Variants in SYT16 observed in about 807,000 individuals in gnomAD.
SYT16 encodes the protein synaptotagmin-16.
A neutral mutation model predicts 61.4 loss-of-function variants in SYT16; 42 were observed. The ratio of observed to expected loss-of-function variants is 0.68; its 90% CI spans 0.53 to 0.89. SYT16 has a LOEUF of 0.89. Ranked by LOEUF, SYT16 falls within the 40% of genes least tolerant of loss-of-function variation. The pLI is 0.00. For synonymous variants in SYT16, 314 were observed against 302.3 expected (o/e 1.04, Z -0.40); for missense variants, 804 against 807.3 (o/e 1.00, Z 0.05).
chr14:62,018,298 C>CTT (rs776473522), intron 3 of SYT16, among the ~76,000 whole-genome samples: 671 of 51,654 alleles, frequency 0.013, 110 homozygotes, highest in South Asian at 0.017. Context: ...TCTTCTTCTT[C>CTT]TTTTTTTTTT....
intron 1 of SYT16, among the ~76,000 whole-genome samples, chr14:61,933,998 C>T (rs2049879116): frequency 6.6e-6 from 1 of 151,786 alleles, no homozygotes; most frequent in East Asian, 1.9e-4. Flanking sequence ...TGTATGTATA[C>T]AAGTACATAG....
chr14:62,039,110 C>T (rs755221545), intron 3 of SYT16, among the ~76,000 whole-genome samples: 11 of 152,270 alleles, frequency 7.2e-5, no homozygotes, highest in African/African-American at 1.4e-4. Context: ...ATCCTTTATG[C>T]TTCACTCCTC....
At chr14:61,983,455 A>G (rs2052170848) in intron 2 of SYT16, among the ~76,000 whole-genome samples, 1 of 152,152 alleles carries the variant, frequency 6.6e-6, no homozygotes, top group Non-Finnish European at 1.5e-5. Flanking sequence ...TTATTTTCTT[A>G]TAGTTTTTCT....
At chr14:61,919,135 C>T (rs1428530779) in intron 1 of SYT16, among the ~76,000 whole-genome samples, 1 of 152,060 alleles carries the variant, frequency 6.6e-6, no homozygotes, top group Non-Finnish European at 1.5e-5. Context: ...ACATGTGTTC[C>T]ATTATTAGAC....
intron 3 of SYT16, among the ~76,000 whole-genome samples, chr14:62,013,313 C>G (rs541901564): frequency 1.3e-5 from 2 of 152,140 alleles, no homozygotes; most frequent in Non-Finnish European, 2.9e-5. Flanking sequence ...TGATGGTTGT[C>G]CCAAAGGGGG....
chr14:62,064,075 G>T (rs1326928211), intron 3 of SYT16, among the ~76,000 whole-genome samples: 2 of 152,082 alleles, frequency 1.3e-5, no homozygotes, highest in African/African-American at 4.8e-5. Context: ...GGATGAAGAG[G>T]TAAAGATTTT....
At chr14:62,096,496 T>A (rs187202075) in intron 7 of SYT16, among the ~76,000 whole-genome samples, 44 of 152,178 alleles carry the variant, frequency 2.9e-4, no homozygotes, top group Admixed American at 2.9e-3. Flanking sequence ...TATTAATACA[T>A]TGGAACATTA....
intron 1 of SYT16, among the ~76,000 whole-genome samples, chr14:61,953,817 C>CT (rs1172124267): frequency 6.6e-6 from 1 of 152,186 alleles, no homozygotes; most frequent in Non-Finnish European, 1.5e-5. Context: ...TGTTCACTGC[C>CT]TTTCCTGGGA....
chr14:61,984,131 G>T (rs2052203912), intron 2 of SYT16, among the ~76,000 whole-genome samples: 1 of 152,056 alleles, frequency 6.6e-6, no homozygotes, highest in South Asian at 2.1e-4. Context: ...TTTTTTAAAG[G>T]TTTGCATTTG....
chr14:61,922,569 A>G (rs1479446060), intron 1 of SYT16, among the ~76,000 whole-genome samples: 1 of 152,216 alleles, frequency 6.6e-6, no homozygotes, highest in African/African-American at 2.4e-5. Context: ...ATCAGGAAAA[A>G]TAACTATTGG....
At chr14:61,876,756 G>A (rs2047510449) in intron 1 of SYT16, among the ~76,000 whole-genome samples, 1 of 152,174 alleles carries the variant, frequency 6.6e-6, no homozygotes, top group African/African-American at 2.4e-5. Flanking sequence ...ATCGGGGAAG[G>A]GGACAGCGCA....
At chr14:61,952,782 T>C (rs982108984) in intron 1 of SYT16, among the ~76,000 whole-genome samples, 1 of 152,228 alleles carries the variant, frequency 6.6e-6, no homozygotes, top group Non-Finnish European at 1.5e-5. Flanking sequence ...TTTTTTCCTA[T>C]TTTTTGAAAG....
intron 7 of SYT16, among the ~76,000 whole-genome samples, chr14:62,097,536 C>T (rs1323527288): frequency 6.6e-6 from 1 of 152,160 alleles, no homozygotes; most frequent in Non-Finnish European, 1.5e-5. Context: ...AGCAGAATTT[C>T]CTGGGCACAG....
At chr14:62,067,197 G>A (rs2056097458) in intron 3 of SYT16, among the ~76,000 whole-genome samples, 1 of 152,126 alleles carries the variant, frequency 6.6e-6, no homozygotes, top group South Asian at 2.1e-4. Context: ...TATTTAACAA[G>A]TATTTATGAA....
At chr14:61,947,696 A>G (rs2140467405) in intron 1 of SYT16, among the ~76,000 whole-genome samples, 1 of 152,366 alleles carries the variant, frequency 6.6e-6, no homozygotes, top group Admixed American at 6.5e-5. Context: ...ATGATGAATA[A>G]TAAGATGCCT....
intron 1 of SYT16, among the ~76,000 whole-genome samples, chr14:61,969,592 C>T (rs1441731465): frequency 6.6e-6 from 1 of 152,182 alleles, no homozygotes; most frequent in Non-Finnish European, 1.5e-5. Flanking sequence ...TTTCTTATTG[C>T]TGTTGATAAC....
intron 1 of SYT16, among the ~76,000 whole-genome samples, chr14:61,891,921 A>G (rs2048145893): frequency 6.6e-6 from 1 of 152,226 alleles, no homozygotes; most frequent in African/African-American, 2.4e-5. Context: ...TGGAAAATAT[A>G]AGAAAATTCC....
chr14:62,052,017 A>C (rs2055325238), intron 3 of SYT16, among the ~76,000 whole-genome samples: 1 of 152,152 alleles, frequency 6.6e-6, no homozygotes, highest in African/African-American at 2.4e-5. Flanking sequence ...AAAAAAATGC[A>C]GTCTTTATCG....
At chr14:62,035,720 T>C (rs147077284) in intron 3 of SYT16, among the ~76,000 whole-genome samples, 2 of 152,336 alleles carry the variant, frequency 1.3e-5, no homozygotes, top group African/African-American at 4.8e-5. Context: ...AAAGCCCATT[T>C]AATCTGAATT....
Sources: gnomAD v4.1 joint callset for allele counts (sites outside exome capture counted in the v4.1 genomes callset) on GRCh38, gnomAD v4.1.1 for gene constraint, MANE v1.5 for transcripts, NCBI Gene and HGNC (gene_info 2026-07-23, HGNC 2026-07-21) for gene names.